The following DNAH8 variants were observed in gnomAD, a reference collection of about 807,000 sequenced individuals.
DNAH8 encodes the protein axonemal beta dynein heavy chain 8.
In DNAH8, 382 loss-of-function variants were observed where a neutral mutation model predicts 562.1. The ratio of observed to expected loss-of-function variants is 0.68; its 90% CI spans 0.63 to 0.74. DNAH8 has a LOEUF of 0.74. Among genes scored for constraint, DNAH8 ranks in the 30% least tolerant of loss-of-function variants. The pLI, the probability that DNAH8 is intolerant of heterozygous loss-of-function variation, is 0.00. For missense variants in DNAH8, 5,203 were observed against 5,620.4 expected, an observed-to-expected ratio of 0.93 and a Z score of 2.37; for synonymous variants, 1,881 against 1,919.4, an observed-to-expected ratio of 0.98 and a Z score of 0.52.
In DNAH8 at chr6:38,772,971, C is replaced by CTTTTTT. The variant is rs58784448; in HGVS notation, c.1764+2434_1764+2439dup. Among the ~76,000 whole-genome samples the CTTTTTT allele has an allele frequency of 7.9e-5, 7 of 88,086 alleles. 1 individual carries two copies. Among genetic ancestry groups the CTTTTTT allele is most frequent in the African/African-American group, 2.6e-4 (5 of 19,440 alleles). 57.8% of individuals were successfully genotyped at this position (88,086 alleles called of 152,430 possible). A position where few individuals can be genotyped will look rare whatever the true frequency, so the allele number is the denominator to read the frequency against. On this transcript the variant is annotated intron_variant, in intron 12 of 92. Transcript: ENST00000327475. Reference sequence around the variant, plus strand: ...ATACCACCATGCCTAGCTAATTAAACTTTTTTTTTTTTTTTTTTTTTTTTT... The same window carrying CTTTTTT: ...ATACCACCATGCCTAGCTAATTAAACTTTTTTTTTTTTTTTTTTTTTTTTTTTTTTT...
intron 18 of DNAH8, among the ~76,000 whole-genome samples, chr6:38,789,551 A>T (rs1769501230): frequency 6.6e-6 from 1 of 152,224 alleles, no homozygotes. Context: ...CTTAATATAC[A>T]TCTAGAAAGA....
At chr6:38,995,967 A>T (rs944430201) in intron 88 of DNAH8, among the ~76,000 whole-genome samples, 2 of 152,214 alleles carry the variant, frequency 1.3e-5, no homozygotes, top group Non-Finnish European at 2.9e-5. Context: ...TATGGTGGTT[A>T]TACTTACTTA....
rs551908160 is a variant in DNAH8, at chr6:38,994,940, C to T, written c.13214+4768C>T. 2.6e-5 allele frequency among the ~76,000 whole-genome samples: 4 copies of T among 152,150 alleles called. No homozygotes were observed. In the East Asian group the frequency reaches 5.8e-4, roughly 22 times the overall value. ...CATAGAATTTCCTTCCATAGGTACT[C>T]GGGTCCATTTCTGGGCTTTCTATTC... On this transcript the variant is annotated intron_variant, in intron 88 of 92. Coordinates refer to ENST00000327475, the MANE Select transcript of DNAH8 (RefSeq NM_001206927.2).
At position 38,741,696 on chromosome 6, in the gene DNAH8, T is replaced by C. The variant is rs1277049530; in HGVS notation, c.1117-15T>C. 6.4e-7 allele frequency: 1 copy of C among 1,553,884 alleles called. No homozygotes were observed. Among genetic ancestry groups the C allele is most frequent in the Non-Finnish European group, 8.7e-7 (1 of 1,152,980 alleles). Reference sequence around the variant, plus strand: ...ATGTAACATTTCTATATTTTATAAATTTTTTTGACTGCAGGTACTTATTGA... The same window carrying C: ...ATGTAACATTTCTATATTTTATAAACTTTTTTGACTGCAGGTACTTATTGA... On this transcript the variant is annotated splice_polypyrimidine_tract_variant and intron_variant, in intron 7 of 92. Transcript: ENST00000327475.
At chr6:38,746,067 C>T (rs890026075) in intron 8 of DNAH8, among the ~76,000 whole-genome samples, 2 of 152,206 alleles carry the variant, frequency 1.3e-5, no homozygotes, top group Non-Finnish European at 2.9e-5. Flanking sequence ...GCCGTCATTA[C>T]TGTGTTATGC....
chr6:38,752,939 A>G (rs1489734130), intron 9 of DNAH8, among the ~76,000 whole-genome samples: 1 of 152,078 alleles, frequency 6.6e-6, no homozygotes, highest in African/African-American at 2.4e-5. Flanking sequence ...TTGAAAAATT[A>G]CAGCTTTATT....
chr6:38,802,631 C>T (rs34110086), intron 21 of DNAH8, among the ~76,000 whole-genome samples: 52,163 of 152,074 alleles, frequency 0.34, 9,522 homozygotes, highest in Admixed American at 0.42. Context: ...AAATTTCTTA[C>T]TCTTTCTGAG....
chr6:38,830,435 C>A (rs1024809540), intron 30 of DNAH8, among the ~76,000 whole-genome samples: 18 of 151,528 alleles, frequency 1.2e-4, no homozygotes, highest in African/African-American at 3.9e-4. Flanking sequence ...GAGGTCGAGA[C>A]CATCCTGGCT....
chr6:38,729,264 C>G (rs954529082), intron 3 of DNAH8, among the ~76,000 whole-genome samples: 1 of 152,074 alleles, frequency 6.6e-6, no homozygotes, highest in African/African-American at 2.4e-5. Flanking sequence ...CAAGAGAAAG[C>G]CTTCTGTATG....
At chr6:38,722,296 T>G (rs1762816231) in intron 1 of DNAH8, among the ~76,000 whole-genome samples, 1 of 152,240 alleles carries the variant, frequency 6.6e-6, no homozygotes, top group African/African-American at 2.4e-5. Flanking sequence ...ATTAATGAAC[T>G]GTATTGCATT....
At chr6:38,826,583 C>T (rs1773343185) in intron 29 of DNAH8, among the ~76,000 whole-genome samples, 192 bp downstream of exon 29, 1 of 152,136 alleles carries the variant, frequency 6.6e-6, no homozygotes, top group Non-Finnish European at 1.5e-5. Flanking sequence ...ACAAAAGACA[C>T]TGTTGTAATA....
intron 33 of DNAH8, among the ~76,000 whole-genome samples, chr6:38,841,222 C>T (rs1774754212): frequency 6.6e-6 from 1 of 152,008 alleles, no homozygotes; most frequent in African/African-American, 2.4e-5. Context: ...AGTTCAAGAC[C>T]AGCCTAGCTA....
intron 77 of DNAH8, among the ~76,000 whole-genome samples, chr6:38,937,121 G>A (rs574749627): frequency 6.6e-6 from 1 of 152,094 alleles, no homozygotes; most frequent in African/African-American, 2.4e-5. Flanking sequence ...ACCAAACACC[G>A]CATGTTCTCA....
At position 38,911,459 on chromosome 6, in the gene DNAH8, T is replaced by C; in HGVS notation, c.9741-9T>C. 1 of 1,588,264 alleles carries C rather than the reference T, an allele frequency of 6.3e-7. No homozygotes were observed. On this transcript the variant is annotated splice_polypyrimidine_tract_variant and intron_variant, in intron 65 of 92. Transcript: ENST00000327475. ...GATTGAAATGGTCCTTTTAATGTTC[T>C]GCTTTCAGATACCGCCGAAGAGCAC...
intron 16 of DNAH8, among the ~76,000 whole-genome samples, chr6:38,782,661 T>C (rs1364782109): frequency 1.3e-5 from 2 of 152,220 alleles, no homozygotes; most frequent in Non-Finnish European, 2.9e-5. Flanking sequence ...CTGTTATTCA[T>C]GGTTCAAGGA....
At chr6:38,981,290 C>T (rs1339159571) in intron 85 of DNAH8, among the ~76,000 whole-genome samples, 2 of 152,136 alleles carry the variant, frequency 1.3e-5, no homozygotes, top group Admixed American at 6.6e-5. Flanking sequence ...AACATCTGGA[C>T]TCATCTATGT....
chr6:38,988,944 C>T (rs1764591867), intron 87 of DNAH8, among the ~76,000 whole-genome samples: 1 of 152,224 alleles, frequency 6.6e-6, no homozygotes, highest in African/African-American at 2.4e-5. Flanking sequence ...GTAATTGGCT[C>T]ATCCCTCCGC....
intron 91 of DNAH8, among the ~76,000 whole-genome samples, chr6:39,024,831 G>C (rs183986639): frequency 6.6e-5 from 10 of 152,158 alleles, no homozygotes; most frequent in Non-Finnish European, 8.8e-5. Flanking sequence ...CTCCTACTAG[G>C]CACTCGGTTT....
intron 36 of DNAH8, among the ~76,000 whole-genome samples, chr6:38,846,405 C>T (rs996837671): frequency 5.3e-5 from 8 of 152,170 alleles, no homozygotes; most frequent in Non-Finnish European, 8.8e-5. Context: ...CACTGGCAAC[C>T]TCTATTCCTC....
Sources: allele counts gnomAD v4.1 joint callset (sites outside exome capture counted in the v4.1 genomes callset), GRCh38; gene constraint gnomAD v4.1.1; transcripts MANE v1.5; gene names NCBI Gene and HGNC (gene_info 2026-07-23, HGNC 2026-07-21).